MTHFSD: variants seen among roughly 807,000 people sequenced by gnomAD.
MTHFSD encodes the protein methenyltetrahydrofolate synthase domain-containing protein.
MTHFSD carries 37 observed loss-of-function variants against 31.1 expected under a neutral mutation model. That is an observed-to-expected ratio of 1.19 (90% CI 0.91 to 1.56). MTHFSD has a LOEUF of 1.56. Ranked by LOEUF, MTHFSD falls within the 40% of genes most tolerant of loss-of-function variation. The probability of loss-of-function intolerance (pLI) is 0.00; values close to 1 mark genes in which losing one functional copy is unlikely to be tolerated. For missense variants in MTHFSD, 664 were observed against 510.1 expected (o/e 1.30, Z -2.91); for synonymous variants, 221 against 206.9 (o/e 1.07, Z -0.59).
chr16:86,537,179 T>G (rs1226613797), intron 7 of MTHFSD, among the ~76,000 whole-genome samples: 1 of 152,174 alleles, frequency 6.6e-6, no homozygotes, highest in African/African-American at 2.4e-5. Context: ...TGTGGGAAAT[T>G]TGGGAAGAAG....
At position 86,539,786 on chromosome 16, in the gene MTHFSD, C is replaced by T. The variant is rs576396773; in HGVS notation, c.681+1911G>A. Among the ~76,000 whole-genome samples the T allele has an allele frequency of 2.6e-5, 4 of 152,300 alleles. No homozygotes were observed. In the South Asian group the frequency reaches 6.2e-4, roughly 24 times the overall value. On this transcript the variant is annotated intron_variant, in intron 7 of 7. Coordinates refer to ENST00000360900, the MANE Select transcript of MTHFSD (RefSeq NM_001159377.2). ...GGAACAAAGGCCAGGGAATTAGATG[C>T]TGAACTGTCTTTGCGTATTGAAAAT...
rs1046200 is a variant in MTHFSD at position 86,531,065 on chromosome 16, G to T, written c.*946C>A. ...TCGAGGCATCGTAATGTGCTTCAAAGAACACTTGGTAAAACCCTCTGGCTA... is the reference window on the plus strand; with the variant it reads ...TCGAGGCATCGTAATGTGCTTCAAATAACACTTGGTAAAACCCTCTGGCTA... On this transcript the variant is annotated 3_prime_UTR_variant, in exon 8 of 8. Transcript: ENST00000360900. The surrounding 1 kb of genome is among the most constrained non-coding windows in gnomAD (Gnocchi z 5.5). 0.32 allele frequency: 48,913 copies of T among 152,064 alleles called. 8,389 individuals are homozygous for T. Among genetic ancestry groups the T allele is most frequent in the East Asian group, 0.5 (2,598 of 5,172 alleles). The allele number at this position is 152,064 out of a possible 1,614,324, so 9.4% of individuals were successfully genotyped here.
chr16:86,541,517 G>T, intron 7 of MTHFSD, 180 bp downstream of exon 7: 1 of 845,656 alleles, frequency 1.2e-6, no homozygotes, highest in Non-Finnish European at 1.8e-6. Context: ...TCCATACGCA[G>T]ATTCTTAGGC....
chr16:86,536,578 C>T (rs997825636), intron 7 of MTHFSD, among the ~76,000 whole-genome samples: 9 of 152,234 alleles, frequency 5.9e-5, no homozygotes, highest in African/African-American at 2.2e-4. Context: ...TGACCACAGG[C>T]AGCGCTGCGT....
At chr16:86,548,353 GCT>G in intron 4 of MTHFSD, 109 bp downstream of exon 4, 2 of 986,450 alleles carry the variant, frequency 2.0e-6, no homozygotes, top group Admixed American at 2.3e-5. Context: ...TGTTCTTTTG[GCT>G]CTGTTAAAAA....
intron 5 of MTHFSD, among the ~76,000 whole-genome samples, chr16:86,543,470 C>A (rs1971815131): frequency 6.6e-6 from 1 of 152,182 alleles, no homozygotes; most frequent in Admixed American, 6.5e-5. Context: ...GAGAAAAGAC[C>A]AAAGCCAAAT....
rs1391654715 is a variant in MTHFSD at position 86,542,923 on chromosome 16, A to C, written c.443-710T>G. Among the ~76,000 whole-genome samples, 1 of 152,212 alleles carries C rather than the reference A, an allele frequency of 6.6e-6. No individual in the cohort carries two copies. The highest frequency in any genetic ancestry group is 1.5e-5 in the Non-Finnish European group (1 of 68,034). On this transcript the variant is annotated intron_variant, in intron 5 of 7. Transcript: ENST00000360900. The surrounding 1 kb of genome is among the most constrained non-coding windows in gnomAD (Gnocchi z 4.6). ...AGAAGCTACAATTCCGCTTATGAGA[A>C]GCCTGAGGCACTTCAGAAACTGAGG... is the stretch of plus-strand genomic sequence containing the variant.
chr16:86,535,006 C>T (rs553636289), intron 7 of MTHFSD, among the ~76,000 whole-genome samples: 2 of 152,346 alleles, frequency 1.3e-5, no homozygotes, highest in African/African-American at 2.4e-5. Context: ...TCAGGCGAGG[C>T]TTCACACTTG....
chr16:86,540,865 G>T lies in MTHFSD; in HGVS notation c.681+832C>A, dbSNP rs369637560. 25 of 1,086,210 alleles carry T rather than the reference G, an allele frequency of 2.3e-5. No homozygotes were observed. In the East Asian group the frequency reaches 1.5e-3, roughly 65 times the overall value. The allele number at this position is 1,086,210 out of a possible 1,614,324, so 67.3% of individuals were successfully genotyped here. On this transcript the variant is annotated intron_variant, in intron 7 of 7. Coordinates refer to ENST00000360900, the MANE Select transcript of MTHFSD (RefSeq NM_001159377.2). The stretch of plus-strand genomic sequence containing the variant: ...GGCCAACCGAGGAGTGCACACCTGG[G>T]AGTCCCCAGCAGTGCCTGCCCAGGA...
Position 86,537,209 on chromosome 16 carries a change from T to C in MTHFSD, c.681+4488A>G, listed in dbSNP as rs559975440. 2.0e-5 allele frequency among the ~76,000 whole-genome samples: 3 copies of C among 152,360 alleles called. 1 individual carries two copies. In the South Asian group the frequency reaches 6.2e-4, roughly 32 times the overall value. ...AAGAAGGTAGAAACGTTTGAAATCC[T>C]ATCTCCCAGAGACAACTACTGTTAA... On this transcript the variant is annotated intron_variant, in intron 7 of 7. Coordinates refer to ENST00000360900, the MANE Select transcript of MTHFSD (RefSeq NM_001159377.2).
intron 4 of MTHFSD, chr16:86,547,015 G>A (rs1334528382): frequency 7.9e-6 from 3 of 381,148 alleles, no homozygotes; most frequent in Non-Finnish European, 1.1e-5. Context: ...CAGGTCCCCA[G>A]CAGGCTGGAG....
intron 4 of MTHFSD, 46 bp downstream of exon 4, chr16:86,548,418 A>G (rs777514559): frequency 6.8e-7 from 1 of 1,461,894 alleles, no homozygotes; most frequent in South Asian, 1.2e-5. Context: ...AAGCCTTCAC[A>G]GGGTACAGTT....
At position 86,532,254 on chromosome 16, in the gene MTHFSD, C is replaced by T. The variant is rs557906367; in HGVS notation, c.909G>A (p.Pro303=). The stretch of plus-strand genomic sequence containing the variant: ...TCCCAACGTAAACATCGGCTGCAAG[C>T]GGGGCACCCTCCCCTGGTGGGGAGC... The part of the protein sequence containing the change: ...APGSPPGEGA[P]LAADVYVGNL... The change falls in exon 8 of 8, where the codon CCG becomes CCA. Residue 303 remains proline, a synonymous_variant. Coordinates refer to ENST00000360900, the MANE Select transcript of MTHFSD (RefSeq NM_001159377.2). 311 of 1,569,492 alleles carry T rather than the reference C, an allele frequency of 2.0e-4. 1 individual carries two copies. In the South Asian group the frequency reaches 2.7e-3, roughly 14 times the overall value.
At chr16:86,536,794 C>T (rs1365470972) in intron 7 of MTHFSD, among the ~76,000 whole-genome samples, 1 of 152,268 alleles carries the variant, frequency 6.6e-6, no homozygotes, top group Non-Finnish European at 1.5e-5. Context: ...TGCCTCCCTC[C>T]CCCTGCTCCG....
chr16:86,554,539 G>T (rs779487624), intron 2 of MTHFSD, 106 bp downstream of exon 2: 6 of 909,282 alleles, frequency 6.6e-6, no homozygotes, highest in Admixed American at 5.8e-5. Flanking sequence ...CTCACTGCTC[G>T]CCACATTCTC....
Position 86,532,350 on chromosome 16 carries a change from C to T in MTHFSD, c.813G>A (p.Val271=). The T allele has an allele frequency of 6.3e-7, 1 of 1,591,086 alleles. No homozygotes were observed. The highest frequency in any genetic ancestry group is 1.1e-5 in the South Asian group (1 of 87,378). Residue 271 remains valine, a synonymous_variant, in exon 8 of 8, where the codon GTG becomes GTA. Coordinates refer to ENST00000360900, the MANE Select transcript of MTHFSD (RefSeq NM_001159377.2). The part of the protein sequence containing the change: ...HLPEPGCQQT[V]PLSVGRRPPD... ...GGGGCCTCCTGCCAACACTCAGGGGCACTGTCTGCTGGCAGCCTGGTTCCG... is the reference window on the plus strand; with the variant it reads ...GGGGCCTCCTGCCAACACTCAGGGGTACTGTCTGCTGGCAGCCTGGTTCCG...
rs1300539863 is a variant in MTHFSD at position 86,532,185 on chromosome 16, C to A, written c.978G>T (p.Leu326=). Residue 326 remains leucine (L), a synonymous_variant, in exon 8 of 8, where the codon CTG becomes CTT. Transcript: ENST00000360900. ...DARVSDLKRA[L]RELGSVPLRL... ...GCAGGGGCACGGAGCCGAGTTCCCGCAGGGCTCTCTTCAGGTCACTCACAC... is the reference window on the plus strand; with the variant it reads ...GCAGGGGCACGGAGCCGAGTTCCCGAAGGGCTCTCTTCAGGTCACTCACAC... 6.3e-7 allele frequency: 1 copy of A among 1,581,392 alleles called. No individual in the cohort carries two copies. The highest frequency in any genetic ancestry group is 1.8e-5 in the Admixed American group (1 of 55,850).
At chr16:86,554,419 G>A (rs1469526303) in intron 2 of MTHFSD, among the ~76,000 whole-genome samples, 2 of 152,122 alleles carry the variant, frequency 1.3e-5, no homozygotes, top group Admixed American at 6.5e-5. Context: ...CTCACCTAGA[G>A]ACAACCAAAC....
At chr16:86,545,313 G>A (rs1972130959) in intron 5 of MTHFSD, among the ~76,000 whole-genome samples, 1 of 152,240 alleles carries the variant, frequency 6.6e-6, no homozygotes. Context: ...AAGACTTATG[G>A]TGCAGCTTTC....
Sources: gnomAD v4.1 joint callset for allele counts (sites outside exome capture counted in the v4.1 genomes callset) on GRCh38, gnomAD v4.1.1 for gene constraint, Gnocchi (gnomAD v3.1) non-coding constraint, MANE v1.5 for transcripts, NCBI Gene and HGNC (gene_info 2026-07-23, HGNC 2026-07-21) for gene names.